The following YIPF7 variants were observed in gnomAD, a reference collection of about 807,000 sequenced individuals.
YIPF7 encodes the protein Yip1 domain family member 7.
Under a neutral mutation model 27.2 loss-of-function variants are expected in YIPF7, and 35 were observed. The ratio of observed to expected loss-of-function variants is 1.29; its 90% CI spans 0.98 to 1.70. The LOEUF is 1.70. Among genes scored for constraint, YIPF7 ranks in the 40% most tolerant of loss-of-function variants. The probability of loss-of-function intolerance (pLI) is 0.00; values close to 1 mark genes in which losing one functional copy is unlikely to be tolerated. For synonymous variants in YIPF7, 137 were observed against 110.4 expected (o/e 1.24, Z -1.51); for missense variants, 358 against 303.7 (o/e 1.18, Z -1.33).
chr4:44,622,309 C>G lies in YIPF7; in HGVS notation c.*105G>C. The G allele has an allele frequency of 7.3e-7, 1 of 1,367,556 alleles. No individual in the cohort carries two copies. Among genetic ancestry groups the G allele is most frequent in the African/African-American group, 1.5e-5 (1 of 68,612 alleles). The allele number at this position is 1,367,556 out of a possible 1,614,324, so 84.7% of individuals were successfully genotyped here. ...TTTGTCTCTCTGCTTATTACTCTCT[C>G]AAAAGCAATAAAACAGAAATCATAT... On this transcript the variant is annotated 3_prime_UTR_variant, in exon 6 of 6. Coordinates refer to ENST00000415895, the MANE Select transcript of YIPF7 (RefSeq NM_182592.3).
At position 44,622,260 on chromosome 4, in the gene YIPF7, T is replaced by C. The variant is rs1056522025; in HGVS notation, c.*154A>G. ...AACATCATTCAAACCAACAGGCTATTAGAGCACCACCCTTAAGTGCTGCTT... is the reference window on the plus strand; with the variant it reads ...AACATCATTCAAACCAACAGGCTATCAGAGCACCACCCTTAAGTGCTGCTT... On this transcript the variant is annotated 3_prime_UTR_variant, in exon 6 of 6. Coordinates refer to ENST00000415895, the MANE Select transcript of YIPF7 (RefSeq NM_182592.3). The C allele has an allele frequency of 1.1e-4, 96 of 905,552 alleles. No individual in the cohort carries two copies. Among genetic ancestry groups the C allele is most frequent in the Admixed American group, 1.8e-4 (6 of 33,566 alleles). The allele number at this position is 905,552 out of a possible 1,614,324, so 56.1% of individuals were successfully genotyped here.
intron 2 of YIPF7, chr4:44,660,363 T>C (rs1714016016): frequency 6.6e-6 from 1 of 152,146 alleles, no homozygotes; most frequent in Admixed American, 6.6e-5. Context: ...TCTCAGACTT[T>C]CAAGGTTGGA....
chr4:44,629,350 C>G, intron 4 of YIPF7, 53 bp downstream of exon 4: 1 of 1,466,702 alleles, frequency 6.8e-7, no homozygotes, highest in African/African-American at 1.4e-5. Context: ...TGCTTCAAAG[C>G]CAGCACTGGA....
At chr4:44,642,723 G>A (rs1713373816) in intron 2 of YIPF7, among the ~76,000 whole-genome samples, 1 of 152,006 alleles carries the variant, frequency 6.6e-6, no homozygotes, top group South Asian at 2.1e-4. Context: ...AGATCTGATT[G>A]TTTAAAAGTG....
upstream of YIPF7, among the ~76,000 whole-genome samples, chr4:44,653,408 G>A (rs1432318404): frequency 2.6e-5 from 4 of 152,212 alleles, no homozygotes; most frequent in East Asian, 7.7e-4. Context: ...CATGAGATGT[G>A]AGTGGCCTGA....
chr4:44,657,577 G>C (rs1487592398), intron 2 of YIPF7, among the ~76,000 whole-genome samples: 4 of 152,150 alleles, frequency 2.6e-5, no homozygotes, highest in Admixed American at 6.6e-5. Flanking sequence ...CCTCCTGCCA[G>C]AGCCTGGGTA....
chr4:44,638,563 T>C (rs533144387), intron 2 of YIPF7, among the ~76,000 whole-genome samples: 1 of 152,310 alleles, frequency 6.6e-6, no homozygotes, highest in South Asian at 2.1e-4. Context: ...GGTTTTTGGC[T>C]GTTGAATTCA....
In YIPF7 at chr4:44,624,609, A is replaced by G; in HGVS notation, c.600T>C (p.Phe200=). 1 of 1,587,760 alleles carries G rather than the reference A, an allele frequency of 6.3e-7. No individual in the cohort carries two copies. The highest frequency in any genetic ancestry group is 8.6e-7 in the Non-Finnish European group (1 of 1,168,252). The change falls in exon 5 of 6, where the codon TTT becomes TTC. Residue 200 remains phenylalanine, a synonymous_variant. Transcript: ENST00000415895. ...AGCACACAGACACTTACTGCAGTGA[A>G]AAGAACATGGCGCAACCAGACAGGA... ...MVILSGCAMF[F]SLQGIFGIMS...
At chr4:44,625,637 C>A (rs1712609573) in intron 4 of YIPF7, among the ~76,000 whole-genome samples, 1 of 152,100 alleles carries the variant, frequency 6.6e-6, no homozygotes, top group Non-Finnish European at 1.5e-5. Context: ...TCGGAGTACA[C>A]TACCAATCTT....
chr4:44,650,888 T>C (rs1053566173), intron 1 of YIPF7, among the ~76,000 whole-genome samples: 1 of 152,150 alleles, frequency 6.6e-6, no homozygotes, highest in African/African-American at 2.4e-5. Flanking sequence ...GAAGAGGACA[T>C]TAGAGAGGTA....
intron 3 of YIPF7, among the ~76,000 whole-genome samples, chr4:44,631,140 G>A (rs1304060893): frequency 6.6e-6 from 1 of 152,130 alleles, no homozygotes; most frequent in African/African-American, 2.4e-5. Context: ...AAGACACAAA[G>A]CAGTAGTAGA....
chr4:44,661,093 G>A lies in YIPF7; in HGVS notation c.-171-475C>T, dbSNP rs544363367. Among the ~76,000 whole-genome samples, 19 of 152,298 alleles carry A rather than the reference G, an allele frequency of 1.2e-4. No homozygotes were observed. The East Asian group carries it at 2.7e-3, about 22-fold the overall frequency. ...AGGAAATTTAAAAAGGCCAGGACTT[G>A]CTTGATTTGAAAACAGAATAGTTTT... On this transcript the variant is annotated intron_variant, in intron 1 of 2. Coordinates refer to the YIPF7 transcript ENST00000508947.
At chr4:44,623,537 C>T (rs1432637984) in intron 5 of YIPF7, among the ~76,000 whole-genome samples, 1 of 152,202 alleles carries the variant, frequency 6.6e-6, no homozygotes, top group Non-Finnish European at 1.5e-5. Context: ...ATAGAAATAT[C>T]TGCTTCTAAT....
chr4:44,632,203 T>C (rs116321547), intron 3 of YIPF7, among the ~76,000 whole-genome samples: 2,074 of 152,298 alleles, frequency 0.014, 23 homozygotes, highest in South Asian at 0.029. Flanking sequence ...TAACTATTAA[T>C]TGTAGATACT....
Position 44,645,288 on chromosome 4 carries a change from T to C in YIPF7, c.116+4697A>G, listed in dbSNP as rs186552839. 7.6e-3 allele frequency among the ~76,000 whole-genome samples: 1,157 copies of C among 152,338 alleles called. 11 individuals are homozygous for C. The highest frequency in any genetic ancestry group is 0.027 in the African/African-American group (1,104 of 41,566). On this transcript the variant is annotated intron_variant, in intron 2 of 5. Transcript: ENST00000415895. ...ATGTCTTCTGGTATTTTCCTTTTTTTACTAAGTGGCACCAACTCTGAATGG... is the reference window on the plus strand; with the variant it reads ...ATGTCTTCTGGTATTTTCCTTTTTTCACTAAGTGGCACCAACTCTGAATGG...
At chr4:44,657,132 G>T (rs1713922419) in intron 2 of YIPF7, among the ~76,000 whole-genome samples, 1 of 152,146 alleles carries the variant, frequency 6.6e-6, no homozygotes. Context: ...GGTGAGAATT[G>T]TTAAGACAGT....
intron 5 of YIPF7, 93 bp from the exon 6 acceptor site, chr4:44,622,669 A>G (rs1712485679): frequency 2.1e-6 from 3 of 1,440,030 alleles, no homozygotes; most frequent in African/African-American, 1.4e-5. Context: ...CACAATATTT[A>G]TAACTACTTT....
intron 2 of YIPF7, among the ~76,000 whole-genome samples, chr4:44,641,083 T>C (rs1713307450): frequency 6.6e-6 from 1 of 152,046 alleles, no homozygotes; most frequent in African/African-American, 2.4e-5. Flanking sequence ...AATTATGCAA[T>C]TCCCCAGCAG....
At chr4:44,625,968 C>A (rs1320325667) in intron 4 of YIPF7, among the ~76,000 whole-genome samples, 1 of 152,142 alleles carries the variant, frequency 6.6e-6, no homozygotes, top group African/African-American at 2.4e-5. Context: ...AGAGAAGGAG[C>A]TTTTTAGCTG....
Sources: allele counts gnomAD v4.1 joint callset (sites outside exome capture counted in the v4.1 genomes callset), GRCh38; gene constraint gnomAD v4.1.1; transcripts MANE v1.5; gene names NCBI Gene and HGNC (gene_info 2026-07-23, HGNC 2026-07-21).